The following DCDC2 variants were observed in gnomAD, a reference collection of about 807,000 sequenced individuals.
The protein encoded by DCDC2 is doublecortin domain-containing protein 2.
DCDC2 carries 40 observed loss-of-function variants against 50.2 expected under a neutral mutation model. The ratio of observed to expected loss-of-function variants is 0.80; its 90% CI spans 0.62 to 1.04. The LOEUF is 1.04. Ranked by LOEUF, DCDC2 falls within the 50% of genes least tolerant of loss-of-function variation. DCDC2 has a pLI of 0.00. For missense variants in DCDC2, 570 were observed against 581.9 expected (o/e 0.98, Z 0.21); for synonymous variants, 234 against 210.6 (o/e 1.11, Z -0.96).
chr6:24,263,802 G>A (rs991488776), intron 7 of DCDC2, among the ~76,000 whole-genome samples: 1 of 152,108 alleles, frequency 6.6e-6, no homozygotes, highest in Non-Finnish European at 1.5e-5. Flanking sequence ...GAGAGAAACA[G>A]GAGTAGAAAG....
chr6:24,253,001 A>C (rs1762823039), intron 7 of DCDC2, among the ~76,000 whole-genome samples: 1 of 152,170 alleles, frequency 6.6e-6, no homozygotes, highest in Non-Finnish European at 1.5e-5. Flanking sequence ...ATAAATAATG[A>C]AAATAAGACA....
upstream of DCDC2, among the ~76,000 whole-genome samples, chr6:24,359,963 C>A (rs955017605): frequency 2.0e-5 from 3 of 152,146 alleles, no homozygotes; most frequent in Non-Finnish European, 4.4e-5. Context: ...TAGTACCTAC[C>A]GACACTCGCG....
intron 7 of DCDC2, among the ~76,000 whole-genome samples, chr6:24,219,784 C>T (rs1191755672): frequency 6.6e-6 from 1 of 152,136 alleles, no homozygotes; most frequent in Non-Finnish European, 1.5e-5. Flanking sequence ...CTGGAGCAGG[C>T]TCATGAGAAG....
intron 8 of DCDC2, among the ~76,000 whole-genome samples, chr6:24,194,609 G>A (rs1761391196): frequency 6.6e-6 from 1 of 152,130 alleles, no homozygotes; most frequent in Non-Finnish European, 1.5e-5. Flanking sequence ...ATTACTAGGG[G>A]CAGTTTACTT....
At chr6:24,334,824 G>A (rs933625980) in intron 2 of DCDC2, among the ~76,000 whole-genome samples, 1 of 152,196 alleles carries the variant, frequency 6.6e-6, no homozygotes, top group Admixed American at 6.5e-5. Context: ...AGACATGCTG[G>A]TGGAAGATGC....
chr6:24,347,292 C>A (rs1157611783), intron 2 of DCDC2, among the ~76,000 whole-genome samples: 6 of 152,094 alleles, frequency 3.9e-5, no homozygotes, highest in Admixed American at 1.3e-4. Flanking sequence ...AGAGATACCA[C>A]ACCAGGAAGG....
At chr6:24,324,764 T>C (rs1759828632) in intron 2 of DCDC2, among the ~76,000 whole-genome samples, 1 of 152,048 alleles carries the variant, frequency 6.6e-6, no homozygotes, top group African/African-American at 2.4e-5. Flanking sequence ...ATGCCTATAG[T>C]TCCAGCTACT....
the DCDC2 span, among the ~76,000 whole-genome samples, chr6:24,379,549 G>A: frequency 6.6e-6 from 1 of 152,188 alleles, no homozygotes; most frequent in Non-Finnish European, 1.5e-5. Flanking sequence ...AACAGATGCT[G>A]GAGAGGATGT....
At chr6:24,282,665 T>C (rs751678172) in intron 6 of DCDC2, among the ~76,000 whole-genome samples, 3 of 150,298 alleles carry the variant, frequency 2.0e-5, no homozygotes, top group South Asian at 2.1e-4. Flanking sequence ...CAAAAACATA[T>C]AGACCAAAAA....
In DCDC2 at chr6:24,217,329, A is replaced by G. The variant is rs142310680; in HGVS notation, c.923-12227T>C. On this transcript the variant is annotated intron_variant, in intron 7 of 9. Transcript: ENST00000378454. ...CAAAATGGACTGGATATGTGTTTTC[A>G]AAAGTTATTGATCCCAATTATTACC... Among the ~76,000 whole-genome samples the G allele has an allele frequency of 1.3e-3, 200 of 152,364 alleles. 1 individual carries two copies. Among genetic ancestry groups the G allele is most frequent in the African/African-American group, 4.4e-3 (181 of 41,598 alleles).
chr6:24,224,782 A>G (rs1200348749), intron 7 of DCDC2, among the ~76,000 whole-genome samples: 1 of 152,188 alleles, frequency 6.6e-6, no homozygotes, highest in Non-Finnish European at 1.5e-5. Flanking sequence ...AGCATGCTGG[A>G]TCTGCCTCTA....
rs530553956 is a variant in DCDC2, at chr6:24,281,084, C to T, written c.760-2873G>A. On this transcript the variant is annotated intron_variant, in intron 6 of 9. Transcript: ENST00000378454. ...CTGGAGTGCGTGTCTTTCTAAGTCACCACTCTTGTTTATGAATAGACAGGA... is the reference window on the plus strand; with the variant it reads ...CTGGAGTGCGTGTCTTTCTAAGTCATCACTCTTGTTTATGAATAGACAGGA... Among the ~76,000 whole-genome samples, 22 of 152,102 alleles carry T rather than the reference C, an allele frequency of 1.4e-4. No homozygotes were observed. In the South Asian group the frequency reaches 4.0e-3, roughly 27 times the overall value.
At chr6:24,195,981 T>C (rs1465114972) in intron 8 of DCDC2, among the ~76,000 whole-genome samples, 2 of 152,220 alleles carry the variant, frequency 1.3e-5, no homozygotes, top group African/African-American at 2.4e-5. Flanking sequence ...TTGCACAAGA[T>C]ACTTACATAT....
the DCDC2 span, among the ~76,000 whole-genome samples, chr6:24,380,813 T>A: frequency 6.6e-6 from 1 of 152,158 alleles, no homozygotes; most frequent in Non-Finnish European, 1.5e-5. Context: ...AAAATTGTAG[T>A]CCGAGTGCAG....
At chr6:24,356,233 A>G (rs575243433) in intron 1 of DCDC2, among the ~76,000 whole-genome samples, 92 of 152,368 alleles carry the variant, frequency 6.0e-4, no homozygotes, top group African/African-American at 2.2e-3. Context: ...AACAATAAAA[A>G]GAATGAAGTA....
intron 7 of DCDC2, among the ~76,000 whole-genome samples, chr6:24,275,567 C>T (rs1763333356): frequency 1.3e-5 from 2 of 152,050 alleles, no homozygotes; most frequent in African/African-American, 4.8e-5. Context: ...TCCCTAAAAC[C>T]TTCCTTTAAA....
chr6:24,278,549 C>T (rs1051533578), intron 6 of DCDC2, among the ~76,000 whole-genome samples: 3 of 152,268 alleles, frequency 2.0e-5, no homozygotes, highest in South Asian at 2.1e-4. Context: ...ACTATTACCA[C>T]GTCACTGTAG....
At chr6:24,202,577 C>G (rs1761612173) in intron 8 of DCDC2, among the ~76,000 whole-genome samples, 1 of 152,094 alleles carries the variant, frequency 6.6e-6, no homozygotes, top group Non-Finnish European at 1.5e-5. Flanking sequence ...TGGCACAGAT[C>G]AAGGATGCCA....
intron 7 of DCDC2, among the ~76,000 whole-genome samples, chr6:24,213,353 A>G (rs1300049243): frequency 1.3e-5 from 2 of 152,200 alleles, no homozygotes; most frequent in African/African-American, 4.8e-5. Context: ...ACTTTAAAAC[A>G]AAGTGTTAAT....
Sources: allele counts gnomAD v4.1 joint callset (sites outside exome capture counted in the v4.1 genomes callset), GRCh38; gene constraint gnomAD v4.1.1; transcripts MANE v1.5; gene names NCBI Gene and HGNC (gene_info 2026-07-23, HGNC 2026-07-21).